RB1CC1: variants seen among roughly 807,000 people sequenced by gnomAD.
RB1CC1 encodes the protein RB1-inducible coiled-coil protein 1.
In RB1CC1, 46 loss-of-function variants were observed where a neutral mutation model predicts 177.5. That is an observed-to-expected ratio of 0.26 (90% CI 0.20 to 0.33). The LOEUF (loss-of-function observed/expected upper bound fraction) is 0.33, where lower values mean the gene tolerates loss of function less well. Ranked by LOEUF, RB1CC1 falls within the 10% of genes least tolerant of loss-of-function variation. The pLI is 1.00. For synonymous variants in RB1CC1, 666 were observed against 613.6 expected, an observed-to-expected ratio of 1.09 and a Z score of -1.26; for missense variants, 1,703 against 1,816.3, an observed-to-expected ratio of 0.94 and a Z score of 1.13.
At chr8:52,698,381 G>C (rs1052787544) in intron 1 of RB1CC1, among the ~76,000 whole-genome samples, 13 of 151,902 alleles carry the variant, frequency 8.6e-5, no homozygotes, top group Non-Finnish European at 1.8e-4. Context: ...GGAGTACAGT[G>C]GCGCCATCTT....
chr8:52,648,863 T>G (rs889534085), intron 15 of RB1CC1, among the ~76,000 whole-genome samples: 2 of 152,192 alleles, frequency 1.3e-5, no homozygotes, highest in African/African-American at 2.4e-5. Flanking sequence ...AGGCTTCTTT[T>G]TGGCATATCC....
chr8:52,711,465 T>C (rs1233699769), intron 1 of RB1CC1, among the ~76,000 whole-genome samples: 1 of 152,214 alleles, frequency 6.6e-6, no homozygotes, highest in East Asian at 1.9e-4. Context: ...CTACTCTACA[T>C]CCTCAAAGTA....
At chr8:52,706,904 T>G (rs1856612130) in intron 1 of RB1CC1, among the ~76,000 whole-genome samples, 1 of 152,034 alleles carries the variant, frequency 6.6e-6, no homozygotes. Flanking sequence ...CCAAGTGATC[T>G]GTCTGCCTCA....
intron 8 of RB1CC1, among the ~76,000 whole-genome samples, chr8:52,663,354 GT>G (rs111631545): frequency 0.031 from 4,501 of 144,890 alleles, 238 homozygotes; most frequent in African/African-American, 0.1. Flanking sequence ...GGTGAGTGAG[GT>G]TTTTTTTTTT....
intron 5 of RB1CC1, among the ~76,000 whole-genome samples, 197 bp from the exon 6 acceptor site, chr8:52,676,768 G>C (rs1853167752): frequency 6.6e-6 from 1 of 152,128 alleles, no homozygotes; most frequent in African/African-American, 2.4e-5. Flanking sequence ...TTTCCGAGCA[G>C]GTATCCTAAG....
chr8:52,703,620 G>C (rs1856292922), intron 1 of RB1CC1, among the ~76,000 whole-genome samples: 1 of 152,134 alleles, frequency 6.6e-6, no homozygotes, highest in African/African-American at 2.4e-5. Flanking sequence ...GGCTGTCAGT[G>C]GTCTTGTTCC....
intron 18 of RB1CC1, among the ~76,000 whole-genome samples, chr8:52,636,412 C>A (rs915729025): frequency 2.6e-5 from 4 of 152,080 alleles, no homozygotes; most frequent in African/African-American, 9.7e-5. Flanking sequence ...CTAAAGACTT[C>A]AGTAGATTTA....
Position 52,628,014 on chromosome 8 carries a change from T to C in RB1CC1, c.4636+18A>G, listed in dbSNP as rs781670813. ...CCTCCATTCCAGGTTTATATTTTAG[T>C]CATGGAATGACACTTACCACCCTCA... On this transcript the variant is annotated intron_variant, in intron 22 of 23. Transcript: ENST00000025008. The C allele has an allele frequency of 6.5e-7, 1 of 1,547,464 alleles. No individual in the cohort carries two copies. The highest frequency in any genetic ancestry group is 2.3e-5 in the Admixed American group (1 of 44,002).
At chr8:52,626,960 CAGG>C (rs1848440777) in intron 22 of RB1CC1, among the ~76,000 whole-genome samples, 1 of 152,152 alleles carries the variant, frequency 6.6e-6, no homozygotes, top group South Asian at 2.1e-4. Context: ...GAGGCTGAGG[CAGG>C]AGGATTGCTT....
At chr8:52,666,071 C>A (rs916050153) in intron 8 of RB1CC1, among the ~76,000 whole-genome samples, 1 of 152,044 alleles carries the variant, frequency 6.6e-6, no homozygotes, top group African/African-American at 2.4e-5. Flanking sequence ...AAGTAATTTA[C>A]GATGGTAACT....
rs1357294944 is a variant in RB1CC1 at position 52,658,180 on chromosome 8, ACTG to A, written c.1794-59_1794-57del. 20 of 1,509,492 alleles carry A rather than the reference ACTG, an allele frequency of 1.3e-5. No homozygotes were observed. The Admixed American group carries it at 3.7e-4, about 28-fold the overall frequency. 93.5% of individuals were successfully genotyped at this position (1,509,492 alleles called of 1,614,324 possible). Reference sequence around the variant, plus strand: ...TGATTTTTTAATGAACTAGTAGATAACTGCTACCAAATATTTTAATATGTCAAA... The same window carrying A: ...TGATTTTTTAATGAACTAGTAGATAACTACCAAATATTTTAATATGTCAAA... On this transcript the variant is annotated intron_variant, in intron 13 of 23. Transcript: ENST00000025008.
At chr8:52,655,946 TTA>T in intron 15 of RB1CC1, 60 bp downstream of exon 15, 1 of 1,304,840 alleles carries the variant, frequency 7.7e-7, no homozygotes, top group Non-Finnish European at 1.1e-6. Flanking sequence ...GGTACTGTGA[TTA>T]CACACAAACG....
In RB1CC1 at chr8:52,657,804, A is replaced by G. The variant is rs759648848; in HGVS notation, c.2025T>C (p.Thr675=). 6.2e-7 allele frequency: 1 copy of G among 1,613,640 alleles called. No homozygotes were observed. Among genetic ancestry groups the G allele is most frequent in the Non-Finnish European group, 8.5e-7 (1 of 1,179,854 alleles). ...CTGCAGGACATAAGGGATCCTGAAC[A>G]GTCAGTGGTGGAGGAGTTCTCGGTG... is the stretch of plus-strand genomic sequence containing the variant. ...TTSPRTPPPL[T]VQDPLCPAVC... Residue 675 remains threonine, a synonymous_variant, in exon 15 of 24, where the codon ACT becomes ACC. Transcript: ENST00000025008.
chr8:52,667,275 C>T (rs796833037), intron 8 of RB1CC1, among the ~76,000 whole-genome samples: 6 of 151,862 alleles, frequency 4.0e-5, no homozygotes, highest in African/African-American at 1.4e-4. Context: ...ATAACATCAA[C>T]GAAGTATGTT....
chr8:52,698,458 G>C (rs1218369767), intron 1 of RB1CC1, among the ~76,000 whole-genome samples: 1 of 151,544 alleles, frequency 6.6e-6, no homozygotes, highest in Non-Finnish European at 1.5e-5. Flanking sequence ...GAGTAGCTGG[G>C]ACTACCACCA....
chr8:52,632,518 T>C (rs1420765749), intron 20 of RB1CC1, among the ~76,000 whole-genome samples: 2 of 152,206 alleles, frequency 1.3e-5, no homozygotes, highest in Admixed American at 6.5e-5. Flanking sequence ...AATTCAACTT[T>C]AGTTTTTTAA....
At position 52,661,286 on chromosome 8, in the gene RB1CC1, AG is replaced by A. The variant is rs1359465322; in HGVS notation, c.1359-6del. The A allele has an allele frequency of 6.2e-7, 1 of 1,607,634 alleles. No individual in the cohort carries two copies. The highest frequency in any genetic ancestry group is 2.2e-5 in the East Asian group (1 of 44,796). ...AGCATTACAAAGCAACACCACCTAG[AG>A]AATAAAATCCATTATTTTCAACATT... On this transcript the variant is annotated splice_polypyrimidine_tract_variant and splice_region_variant and intron_variant, in intron 9 of 23. Transcript: ENST00000025008.
intron 1 of RB1CC1, among the ~76,000 whole-genome samples, chr8:52,701,303 T>G (rs1391789478): frequency 6.6e-6 from 1 of 152,098 alleles, no homozygotes; most frequent in Non-Finnish European, 1.5e-5. Context: ...TTTGTATTTT[T>G]TAGTAGAGAC....
intron 5 of RB1CC1, among the ~76,000 whole-genome samples, chr8:52,680,795 C>T (rs1202756999): frequency 6.6e-6 from 1 of 152,090 alleles, no homozygotes; most frequent in African/African-American, 2.4e-5. Flanking sequence ...AGGCTAGACA[C>T]AAAAGAACAG....
Sources: allele counts gnomAD v4.1 joint callset (sites outside exome capture counted in the v4.1 genomes callset), GRCh38; gene constraint gnomAD v4.1.1; transcripts MANE v1.5; gene names NCBI Gene and HGNC (gene_info 2026-07-23, HGNC 2026-07-21).